Variants in CCSER1 observed in about 807,000 individuals in gnomAD.
The protein encoded by CCSER1 is serine-rich coiled-coil domain-containing protein 1.
In CCSER1, 41 loss-of-function variants were observed where a neutral mutation model predicts 82.0. The observed-to-expected ratio is 0.50, with a 90% CI of 0.39 to 0.65. CCSER1 has a LOEUF of 0.65. CCSER1 is among the 30% of genes least tolerant of loss of function. CCSER1 has a pLI of 0.00. For synonymous variants in CCSER1, 414 were observed against 383.9 expected (o/e 1.08, Z -0.92); for missense variants, 1,119 against 1,064.2 (o/e 1.05, Z -0.72).
At chr4:90,512,561 T>C (rs926549702) in intron 5 of CCSER1, among the ~76,000 whole-genome samples, 5 of 152,112 alleles carry the variant, frequency 3.3e-5, no homozygotes, top group African/African-American at 1.2e-4. Context: ...GTCTGTAAGA[T>C]GGATAATGAG....
chr4:91,100,672 C>T (rs1724970370), intron 10 of CCSER1, among the ~76,000 whole-genome samples: 1 of 152,112 alleles, frequency 6.6e-6, no homozygotes, highest in Non-Finnish European at 1.5e-5. Flanking sequence ...ACCTTTTCTA[C>T]TTATGGCATT....
In CCSER1 at chr4:90,956,766, C is replaced by CT. The variant is rs34175078; in HGVS notation, c.2172+33335dup. The stretch of plus-strand genomic sequence containing the variant: ...GATATTCTTTTCTTTTCTTCCTCTT[C>CT]TTTTTTTTTTTTTTTTCTTTAAAAG... On this transcript the variant is annotated intron_variant, in intron 9 of 10. Transcript: ENST00000509176. Among the ~76,000 whole-genome samples the CT allele has an allele frequency of 5.5e-3, 759 of 137,454 alleles. 8 individuals are homozygous for CT. The highest frequency in any genetic ancestry group is 0.015 in the African/African-American group (565 of 37,716). The allele number at this position is 137,454 out of a possible 152,430, so 90.2% of individuals were successfully genotyped here. A position where few individuals can be genotyped will look rare whatever the true frequency, so the allele number is the denominator to read the frequency against.
At chr4:90,481,519 C>T (rs562951891) in intron 5 of CCSER1, among the ~76,000 whole-genome samples, 20 of 152,192 alleles carry the variant, frequency 1.3e-4, no homozygotes, top group Admixed American at 3.3e-4. Flanking sequence ...TCATAGAAAG[C>T]GCTTATTATT....
At chr4:91,139,173 GAATTCCT>G (rs1433006742) in intron 10 of CCSER1, among the ~76,000 whole-genome samples, 1 of 152,114 alleles carries the variant, frequency 6.6e-6, no homozygotes, top group Non-Finnish European at 1.5e-5. Flanking sequence ...TTAGAAGAAT[GAATTCCT>G]GCTGAATCCA....
chr4:91,440,445 G>A (rs541090938), intron 10 of CCSER1, among the ~76,000 whole-genome samples: 1 of 152,288 alleles, frequency 6.6e-6, no homozygotes, highest in East Asian at 1.9e-4. Context: ...CAACATACCA[G>A]AATCTCTGGG....
At chr4:90,835,181 AT>A (rs1258293306) in intron 8 of CCSER1, among the ~76,000 whole-genome samples, 2 of 151,992 alleles carry the variant, frequency 1.3e-5, no homozygotes, top group African/African-American at 4.8e-5. Context: ...AATACAAAAA[AT>A]TAGCCGGGCG....
At chr4:90,242,030 G>GGA (rs1746952399) in intron 1 of CCSER1, among the ~76,000 whole-genome samples, 1 of 152,178 alleles carries the variant, frequency 6.6e-6, no homozygotes, top group Non-Finnish European at 1.5e-5. Context: ...GCATAGGCTG[G>GGA]GCGCAGTGGC....
At chr4:90,171,008 A>C (rs1560736875) in intron 1 of CCSER1, among the ~76,000 whole-genome samples, 1 of 151,824 alleles carries the variant, frequency 6.6e-6, no homozygotes, top group African/African-American at 2.4e-5. Flanking sequence ...ATTAGATTGT[A>C]ACTCAAAGAC....
intron 9 of CCSER1, among the ~76,000 whole-genome samples, chr4:90,980,703 G>A (rs979033867): frequency 6.6e-6 from 1 of 151,474 alleles, no homozygotes; most frequent in African/African-American, 2.4e-5. Context: ...GAGAGAGAGG[G>A]AAAGTAGGGA....
chr4:91,327,064 G>A (rs1746619682), intron 10 of CCSER1, among the ~76,000 whole-genome samples: 1 of 152,168 alleles, frequency 6.6e-6, no homozygotes, highest in Non-Finnish European at 1.5e-5. Flanking sequence ...CAAGCTGTTG[G>A]TGGATCTATC....
chr4:90,337,641 C>T (rs1740660749), intron 3 of CCSER1, among the ~76,000 whole-genome samples: 1 of 150,960 alleles, frequency 6.6e-6, no homozygotes, highest in Non-Finnish European at 1.5e-5. Context: ...TTACAAGATC[C>T]CTTAACATTC....
chr4:90,430,012 T>A (rs1758058297), intron 4 of CCSER1, among the ~76,000 whole-genome samples: 1 of 151,836 alleles, frequency 6.6e-6, no homozygotes, highest in Admixed American at 6.6e-5. Flanking sequence ...ACAAACCTGA[T>A]GTTCGTAGAA....
chr4:91,201,383 T>C (rs1234613063), intron 10 of CCSER1, among the ~76,000 whole-genome samples: 1 of 152,022 alleles, frequency 6.6e-6, no homozygotes, highest in Non-Finnish European at 1.5e-5. Flanking sequence ...CTTCTATGAA[T>C]AAATGAATGA....
At chr4:90,323,288 C>A (rs1215834420) in intron 3 of CCSER1, among the ~76,000 whole-genome samples, 4 of 152,188 alleles carry the variant, frequency 2.6e-5, no homozygotes, top group Non-Finnish European at 2.9e-5. Context: ...CCCAAGTCCA[C>A]TGGCTCCAAG....
intron 10 of CCSER1, among the ~76,000 whole-genome samples, chr4:91,404,445 ATG>A (rs1486439667): frequency 1.3e-5 from 2 of 151,840 alleles, no homozygotes; most frequent in Non-Finnish European, 2.9e-5. Context: ...TAGCTTTTGA[ATG>A]TGTTTGCTCT....
At chr4:91,454,193 A>C (rs1756018840) in intron 10 of CCSER1, among the ~76,000 whole-genome samples, 1 of 152,104 alleles carries the variant, frequency 6.6e-6, no homozygotes, top group South Asian at 2.1e-4. Context: ...ATTCTCTTAC[A>C]GTTCTGGAAA....
intron 10 of CCSER1, among the ~76,000 whole-genome samples, chr4:91,501,689 C>T: frequency 6.6e-6 from 1 of 151,766 alleles, no homozygotes; most frequent in East Asian, 1.9e-4. Flanking sequence ...GTTATTTTTT[C>T]CTAGAATTAT....
intron 4 of CCSER1, among the ~76,000 whole-genome samples, chr4:90,465,854 GT>G (rs1446266889): frequency 2.6e-5 from 4 of 152,140 alleles, no homozygotes; most frequent in Admixed American, 2.0e-4. Context: ...TTTGAACCCT[GT>G]TTTTGGGGAG....
rs1022088839 is a variant in CCSER1 at position 90,226,799 on chromosome 4, C to T, written c.-41-81445C>T. On this transcript the variant is annotated intron_variant, in intron 1 of 10. Coordinates refer to ENST00000509176, the MANE Select transcript of CCSER1 (RefSeq NM_001145065.2). ...ACAGATAGATGACAGGTCTTGGCTC[C>T]CAAACCTTTAGAATCCTCTGCAGGA... Among the ~76,000 whole-genome samples the T allele has an allele frequency of 3.3e-5, 5 of 152,158 alleles. No homozygotes were observed. The South Asian group carries it at 6.2e-4, about 19-fold the overall frequency.
Sources: gnomAD v4.1 joint callset for allele counts (sites outside exome capture counted in the v4.1 genomes callset) on GRCh38, gnomAD v4.1.1 for gene constraint, MANE v1.5 for transcripts, NCBI Gene and HGNC (gene_info 2026-07-23, HGNC 2026-07-21) for gene names.